Variants in ADAMTS3 observed in about 807,000 individuals in gnomAD.
The protein encoded by ADAMTS3 is A disintegrin and metalloproteinase with thrombospondin motifs 3.
Under a neutral mutation model 129.0 loss-of-function variants are expected in ADAMTS3, and 73 were observed. The observed-to-expected ratio is 0.57, with a 90% CI of 0.47 to 0.69. The LOEUF (loss-of-function observed/expected upper bound fraction) is 0.69, where lower values mean the gene tolerates loss of function less well. ADAMTS3 is among the 30% of genes least tolerant of loss of function. The pLI is 0.00. For missense variants in ADAMTS3, 1,457 were observed against 1,514.5 expected (o/e 0.96, Z 0.63); for synonymous variants, 477 against 510.8 (o/e 0.93, Z 0.89).
intron 4 of ADAMTS3, among the ~76,000 whole-genome samples, chr4:72,341,205 T>C (rs1285608658): frequency 6.6e-6 from 1 of 152,118 alleles, no homozygotes; most frequent in African/African-American, 2.4e-5. Flanking sequence ...TTTCTACCTT[T>C]AAAAAATATA....
chr4:72,548,580 A>G lies in ADAMTS3; in HGVS notation c.402T>C (p.Tyr134=), dbSNP rs1360679561. The G allele has an allele frequency of 3.1e-6, 5 of 1,613,886 alleles. No homozygotes were observed. In the African/African-American group the frequency reaches 4.0e-5, roughly 13 times the overall value. Reference sequence around the variant, plus strand: ...GCAAAGGCTCTGTTCTCCGGATTCTATACGTAGCACTTCCTGGTTGATGGT... The same window carrying G: ...GCAAAGGCTCTGTTCTCCGGATTCTGTACGTAGCACTTCCTGGTTGATGGT... ...INNHQPGSAT[Y]RIRRTEPLQT... is the part of the protein sequence containing the mutation. The change falls in exon 3 of 22, where the codon TAT becomes TAC. Residue 134 remains tyrosine, a synonymous_variant. Transcript: ENST00000286657.
chr4:72,478,207 T>C (rs148537832), intron 3 of ADAMTS3, among the ~76,000 whole-genome samples: 8,252 of 152,220 alleles, frequency 0.054, 268 homozygotes, highest in African/African-American at 0.089. Flanking sequence ...CCAGCTTCAT[T>C]CTGATACCAA....
At chr4:72,380,423 G>A (rs1321988548) in intron 4 of ADAMTS3, among the ~76,000 whole-genome samples, 2 of 152,102 alleles carry the variant, frequency 1.3e-5, no homozygotes, top group Admixed American at 6.6e-5. Context: ...GCAGAAGATC[G>A]ATGTATTTTA....
At chr4:72,480,546 G>A (rs887599542) in intron 3 of ADAMTS3, among the ~76,000 whole-genome samples, 1 of 151,838 alleles carries the variant, frequency 6.6e-6, no homozygotes, top group Non-Finnish European at 1.5e-5. Flanking sequence ...GGACTGTTGT[G>A]GGGTCGGGGG....
intron 3 of ADAMTS3, among the ~76,000 whole-genome samples, chr4:72,487,452 T>C (rs1719619820): frequency 1.3e-5 from 2 of 152,048 alleles, no homozygotes; most frequent in Non-Finnish European, 2.9e-5. Context: ...AAAGAACCAA[T>C]CAGCAAAACA....
intron 4 of ADAMTS3, among the ~76,000 whole-genome samples, chr4:72,394,572 C>A (rs1404937579): frequency 6.6e-6 from 1 of 152,158 alleles, no homozygotes; most frequent in Non-Finnish European, 1.5e-5. Flanking sequence ...TCTCTTCACC[C>A]AAAACATTGC....
intron 3 of ADAMTS3, among the ~76,000 whole-genome samples, chr4:72,540,234 T>C (rs576164412): frequency 6.6e-6 from 1 of 152,130 alleles, no homozygotes. Flanking sequence ...GTGACTCTTG[T>C]TATGTTTCAG....
At chr4:72,310,231 G>T (rs1035580582) in intron 14 of ADAMTS3, among the ~76,000 whole-genome samples, 7 of 151,962 alleles carry the variant, frequency 4.6e-5, no homozygotes, top group African/African-American at 1.4e-4. Context: ...CTGAACCAAG[G>T]CATGTTCTTA....
At chr4:72,321,883 T>C (rs1719564979) in intron 6 of ADAMTS3, among the ~76,000 whole-genome samples, 1 of 152,090 alleles carries the variant, frequency 6.6e-6, no homozygotes. Flanking sequence ...ACCATCACAT[T>C]AGGGTCAGGA....
chr4:72,430,996 T>G (rs1722685136), intron 3 of ADAMTS3, among the ~76,000 whole-genome samples: 1 of 151,956 alleles, frequency 6.6e-6, no homozygotes, highest in African/African-American at 2.4e-5. Flanking sequence ...GAACATGAAC[T>G]ATTAAGATTT....
intron 3 of ADAMTS3, among the ~76,000 whole-genome samples, chr4:72,480,429 G>A (rs887633422): frequency 6.6e-6 from 1 of 152,024 alleles, no homozygotes; most frequent in Non-Finnish European, 1.5e-5. Flanking sequence ...ATCCTTCTCA[G>A]TAAACTATCG....
In ADAMTS3 at chr4:72,288,869, C is replaced by T. The variant is rs1024036448; in HGVS notation, c.2932-1G>A. The T allele has an allele frequency of 1.3e-6, 2 of 1,598,114 alleles. No individual in the cohort carries two copies. The highest frequency in any genetic ancestry group is 1.7e-6 in the Non-Finnish European group (2 of 1,168,382). On this transcript the variant is annotated splice_acceptor_variant, in intron 20 of 21. Transcript: ENST00000286657. LOFTEE classifies it high-confidence loss of function. ...TTCCTTCACCGCAGGTCACTGAACA[C>T]TGCAGAGACAAAGGCTGTGGTTACA...
chr4:72,428,035 T>C (rs532145557), intron 3 of ADAMTS3, among the ~76,000 whole-genome samples: 264 of 98,872 alleles, frequency 2.7e-3, no homozygotes, highest in Non-Finnish European at 4.6e-3. Context: ...GTTTATTAAC[T>C]GAACACCTAA....
At chr4:72,524,698 T>G (rs958833250) in intron 3 of ADAMTS3, among the ~76,000 whole-genome samples, 3 of 152,264 alleles carry the variant, frequency 2.0e-5, no homozygotes, top group Non-Finnish European at 4.4e-5. Context: ...TTCACTGATA[T>G]TAAATAAAAT....
At chr4:72,304,868 T>A (rs191432287) in intron 16 of ADAMTS3, among the ~76,000 whole-genome samples, 1 of 152,186 alleles carries the variant, frequency 6.6e-6, no homozygotes, top group East Asian at 1.9e-4. Flanking sequence ...GGCTTTAAAC[T>A]GGTCTATTTT....
At chr4:72,350,951 C>G (rs1720419294) in intron 4 of ADAMTS3, among the ~76,000 whole-genome samples, 1 of 151,876 alleles carries the variant, frequency 6.6e-6, no homozygotes, top group Non-Finnish European at 1.5e-5. Context: ...GTCCTGTGAG[C>G]TCTGGCCACC....
At chr4:72,381,246 G>A (rs1560494188) in intron 4 of ADAMTS3, among the ~76,000 whole-genome samples, 1 of 152,124 alleles carries the variant, frequency 6.6e-6, no homozygotes, top group Admixed American at 6.6e-5. Context: ...AAAAGGGCAA[G>A]TACTTATAAA....
intron 4 of ADAMTS3, among the ~76,000 whole-genome samples, chr4:72,413,149 T>C (rs890069165): frequency 6.6e-5 from 10 of 151,960 alleles, no homozygotes; most frequent in East Asian, 1.9e-4. Flanking sequence ...TTTATAGAAA[T>C]AGATACCTTC....
chr4:72,434,330 A>C (rs1722768616), intron 3 of ADAMTS3, among the ~76,000 whole-genome samples: 1 of 152,054 alleles, frequency 6.6e-6, no homozygotes, highest in Middle Eastern at 3.4e-3. Flanking sequence ...ACTAGACTCA[A>C]GAAATTAAAA....
Sources: gnomAD v4.1 joint callset for allele counts (sites outside exome capture counted in the v4.1 genomes callset) on GRCh38, gnomAD v4.1.1 for gene constraint, MANE v1.5 for transcripts, NCBI Gene and HGNC (gene_info 2026-07-23, HGNC 2026-07-21) for gene names.